BRPF3: variants seen among roughly 807,000 people sequenced by gnomAD.
BRPF3 encodes bromodomain and PHD finger-containing protein 3.
Under a neutral mutation model 102.0 loss-of-function variants are expected in BRPF3, and 18 were observed. The observed-to-expected ratio is 0.18, with a 90% CI of 0.12 to 0.26. The LOEUF is 0.26. BRPF3 is among the 10% of genes least tolerant of loss of function. BRPF3 has a pLI of 1.00. For synonymous variants in BRPF3, 570 were observed against 614.2 expected (o/e 0.93, Z 1.06); for missense variants, 1,147 against 1,567.8 (o/e 0.73, Z 4.53).
At chr6:36,225,138 AG>A in intron 10 of BRPF3, 128 bp from the exon 11 acceptor site, 2 of 665,296 alleles carry the variant, frequency 3.0e-6, no homozygotes, top group Non-Finnish European at 5.2e-6. Flanking sequence ...GAGAGGGAAA[AG>A]GAAGGGTGGA....
At chr6:36,206,017 C>T (rs1404573074) in intron 3 of BRPF3, among the ~76,000 whole-genome samples, 1 of 152,200 alleles carries the variant, frequency 6.6e-6, no homozygotes, top group Admixed American at 6.5e-5. Flanking sequence ...TTACTTTTGA[C>T]TCTTTACTCC....
intron 7 of BRPF3, among the ~76,000 whole-genome samples, chr6:36,213,474 G>A (rs1428800588): frequency 6.6e-6 from 1 of 152,094 alleles, no homozygotes; most frequent in African/African-American, 2.4e-5. Flanking sequence ...CAGGGGGATT[G>A]TTTGAGGCCA....
At chr6:36,224,944 T>C (rs148368328) in intron 10 of BRPF3, among the ~76,000 whole-genome samples, 5 of 152,398 alleles carry the variant, frequency 3.3e-5, no homozygotes, top group African/African-American at 4.8e-5. Flanking sequence ...TAAAGTTTTA[T>C]TGGGACATAG....
chr6:36,225,771 A>G (rs1278106342), intron 11 of BRPF3, among the ~76,000 whole-genome samples: 1 of 152,204 alleles, frequency 6.6e-6, no homozygotes, highest in Non-Finnish European at 1.5e-5. Flanking sequence ...GTGGTCATTC[A>G]GCTAATAAAT....
intron 10 of BRPF3, among the ~76,000 whole-genome samples, chr6:36,222,794 C>T (rs995451523): frequency 1.3e-5 from 2 of 152,074 alleles, no homozygotes; most frequent in East Asian, 1.9e-4. Context: ...AAAAGATGGA[C>T]GTTTAGATTG....
At chr6:36,202,412 C>G (rs992480530) in intron 2 of BRPF3, among the ~76,000 whole-genome samples, 3 of 131,790 alleles carry the variant, frequency 2.3e-5, no homozygotes, top group East Asian at 2.2e-4. Flanking sequence ...CTCTGTGGAC[C>G]CCCCCCCCCT....
chr6:36,229,562 T>C (rs1768864229), intron 12 of BRPF3, among the ~76,000 whole-genome samples: 1 of 152,166 alleles, frequency 6.6e-6, no homozygotes, highest in South Asian at 2.1e-4. Flanking sequence ...GCACTTCCAG[T>C]AGCTTCTGGG....
In BRPF3 at chr6:36,204,894, C is replaced by T. The variant is rs74365270; in HGVS notation, c.1605+80C>T. 2,056 of 1,557,030 alleles carry T rather than the reference C, an allele frequency of 1.3e-3. 32 individuals are homozygous for T. In the East Asian group the frequency reaches 0.039, roughly 29 times the overall value. On this transcript the variant is annotated intron_variant, in intron 3 of 12. Transcript: ENST00000357641. ...GGAATGATGGTTGGGGTGGGGCTGG[C>T]ACCCCTTCTTGATCCCTCCATGGAG...
chr6:36,217,877 G>A (rs752505087), intron 8 of BRPF3, 40 bp from the exon 9 acceptor site: 12 of 1,585,040 alleles, frequency 7.6e-6, no homozygotes, highest in Non-Finnish European at 1.0e-5. Context: ...TTGGGAAGGG[G>A]GATTTCTGCA....
At position 36,232,007 on chromosome 6, in the gene BRPF3, T is replaced by C. The variant is rs371421848; in HGVS notation, c.*1398T>C. 6.6e-6 allele frequency: 1 copy of C among 152,662 alleles called. No individual in the cohort carries two copies. Among genetic ancestry groups the C allele is most frequent in the Non-Finnish European group, 1.5e-5 (1 of 68,048 alleles). The allele number at this position is 152,662 out of a possible 1,614,324, so 9.5% of individuals were successfully genotyped here. On this transcript the variant is annotated 3_prime_UTR_variant, in exon 13 of 13. Transcript: ENST00000357641. ...TTTTAAATTTTTCATAGGGGAGTTT[T>C]GGACAAAACAGTCACTGGGGAGATC...
intron 2 of BRPF3, among the ~76,000 whole-genome samples, chr6:36,202,180 T>A (rs2127276224): frequency 6.6e-6 from 1 of 152,182 alleles, no homozygotes; most frequent in Admixed American, 6.5e-5. Flanking sequence ...TGTGACAAAC[T>A]CAAACCCTCC....
chr6:36,207,583 A>G, intron 4 of BRPF3, 139 bp downstream of exon 4: 1 of 1,188,188 alleles, frequency 8.4e-7, no homozygotes, highest in Non-Finnish European at 1.2e-6. Flanking sequence ...GTAGGCTCCA[A>G]GATCTGCCTA....
chr6:36,221,178 A>T (rs1768525926), intron 9 of BRPF3, among the ~76,000 whole-genome samples: 1 of 148,950 alleles, frequency 6.7e-6, no homozygotes, highest in African/African-American at 2.5e-5. Flanking sequence ...CAGTTGCAAC[A>T]TTGCTTTGGT....
At chr6:36,228,474 T>A (rs1349656500) in intron 11 of BRPF3, among the ~76,000 whole-genome samples, 1 of 152,168 alleles carries the variant, frequency 6.6e-6, no homozygotes, top group Admixed American at 6.5e-5. Context: ...ATTCTCTAGC[T>A]ATACACTGAG....
chr6:36,216,241 A>G (rs1768324119), intron 8 of BRPF3, among the ~76,000 whole-genome samples: 1 of 152,246 alleles, frequency 6.6e-6, no homozygotes, highest in Non-Finnish European at 1.5e-5. Context: ...CACTTGGCAT[A>G]TAGCAGTAGA....
At chr6:36,220,684 T>C (rs1397477783) in intron 9 of BRPF3, among the ~76,000 whole-genome samples, 1 of 152,234 alleles carries the variant, frequency 6.6e-6, no homozygotes, top group Non-Finnish European at 1.5e-5. Context: ...TTCTCTAATA[T>C]GTTGGCAGAT....
chr6:36,203,369 A>G lies in BRPF3; in HGVS notation c.1449-1289A>G, dbSNP rs138869501. Among the ~76,000 whole-genome samples, 696 of 152,340 alleles carry G rather than the reference A, an allele frequency of 4.6e-3. 5 individuals carry two copies. The highest frequency in any genetic ancestry group is 0.016 in the African/African-American group (672 of 41,574). On this transcript the variant is annotated intron_variant, in intron 2 of 12. Coordinates refer to ENST00000357641, the MANE Select transcript of BRPF3 (RefSeq NM_015695.3). ...TTAGCACAGTGTCTGGCAAATAGTAAGTGCTCAATAAATGGTGACTACTGC... is the reference window on the plus strand; with the variant it reads ...TTAGCACAGTGTCTGGCAAATAGTAGGTGCTCAATAAATGGTGACTACTGC...
rs1250820794 is a variant in BRPF3 at position 36,200,836 on chromosome 6, C to T, written c.514C>T (p.Arg172Ter). 2 of 1,613,906 alleles carry T rather than the reference C, an allele frequency of 1.2e-6. No homozygotes were observed. The highest frequency in any genetic ancestry group is 1.7e-6 in the Non-Finnish European group (2 of 1,180,024). The change falls in exon 2 of 13, where the codon CGA (arginine) becomes TGA (stop). Residue 172 changes from arginine (R) to a stop codon, truncating the protein, a stop_gained. Coordinates refer to ENST00000357641, the MANE Select transcript of BRPF3 (RefSeq NM_015695.3). LOFTEE classifies it high-confidence loss of function. The surrounding 1 kb of genome is among the most constrained non-coding windows in gnomAD (Gnocchi z 5.3). ...GCTGGACATGGTGAATGAAAAACGG[C>T]GAGTAGATGGGCACAGTTTGGTGTC... ...AWLDMVNEKR[R>*]VDGHSLVSAD...
chr6:36,209,886 A>G lies in BRPF3; in HGVS notation c.1837A>G (p.Ile613Val). 6.2e-7 allele frequency: 1 copy of G among 1,614,164 alleles called. No individual in the cohort carries two copies. Among genetic ancestry groups the G allele is most frequent in the Non-Finnish European group, 8.5e-7 (1 of 1,180,012 alleles). Residue 613 changes from isoleucine (I) to valine (V), a missense_variant, in exon 5 of 13, where the codon ATC becomes GTC. This residue lies in a region of BRPF3 where 44 missense variants were observed against 38.6 expected (regional missense o/e 1.14). Coordinates refer to ENST00000357641, the MANE Select transcript of BRPF3 (RefSeq NM_015695.3). Reference protein sequence around the residue: ...DLLQEKDPAHIFAEPVNLSEV... With the variant: ...DLLQEKDPAHVFAEPVNLSEV... ...GCTGCAGGAGAAGGATCCTGCACAC[A>G]TCTTCGCAGAACCAGTCAACTTGAG...
Sources: allele counts gnomAD v4.1 joint callset (sites outside exome capture counted in the v4.1 genomes callset), GRCh38; gene constraint gnomAD v4.1.1; regional missense constraint gnomAD v4.1.1; non-coding constraint Gnocchi (gnomAD v3.1); transcripts MANE v1.5; gene names NCBI Gene and HGNC (gene_info 2026-07-23, HGNC 2026-07-21).